Variants in FAM174A observed in about 807,000 individuals in gnomAD.
FAM174A encodes membrane protein FAM174A.
Under a neutral mutation model 14.3 loss-of-function variants are expected in FAM174A, and 14 were observed. That is an observed-to-expected ratio of 0.98 (90% CI 0.65 to 1.53). The LOEUF is 1.53. Ranked by LOEUF, FAM174A falls within the 40% of genes most tolerant of loss-of-function variation. The pLI is 0.00. For missense variants in FAM174A, 241 were observed against 249.6 expected (o/e 0.97, Z 0.23); for synonymous variants, 108 against 111.4 (o/e 0.97, Z 0.19).
intron 1 of FAM174A, among the ~76,000 whole-genome samples, chr5:100,544,856 G>A (rs1282470147): frequency 6.6e-6 from 1 of 152,162 alleles, no homozygotes; most frequent in Admixed American, 6.5e-5. Context: ...GATGCTTCTG[G>A]TTAGTTATTG....
chr5:100,582,205 G>A (rs976349811), intron 2 of FAM174A, among the ~76,000 whole-genome samples: 1 of 151,778 alleles, frequency 6.6e-6, no homozygotes, highest in Middle Eastern at 3.2e-3. Flanking sequence ...GACAAGGGCT[G>A]TACAAAAGAA....
intron 1 of FAM174A, among the ~76,000 whole-genome samples, chr5:100,546,267 A>G (rs1746162413): frequency 6.6e-6 from 1 of 152,148 alleles, no homozygotes; most frequent in South Asian, 2.1e-4. Context: ...GACACCAGAG[A>G]ATGCACAGGA....
chr5:100,584,677 CT>C (rs2112408966), intron 2 of FAM174A, among the ~76,000 whole-genome samples: 1 of 152,238 alleles, frequency 6.6e-6, no homozygotes, highest in African/African-American at 2.4e-5. Flanking sequence ...CACACAAAAG[CT>C]TAATTTTCAA....
At chr5:100,573,064 C>G (rs1179548377) in intron 2 of FAM174A, among the ~76,000 whole-genome samples, 1 of 151,732 alleles carries the variant, frequency 6.6e-6, no homozygotes, top group Non-Finnish European at 1.5e-5. Flanking sequence ...TGAGAAGTGT[C>G]TGTTCATGTC....
intron 2 of FAM174A, among the ~76,000 whole-genome samples, chr5:100,577,115 A>C (rs889907192): frequency 2.0e-5 from 3 of 152,162 alleles, no homozygotes; most frequent in Non-Finnish European, 4.4e-5. Flanking sequence ...ATTATTTTTA[A>C]ATTACCCTGA....
At chr5:100,543,446 C>G (rs568140260) in intron 1 of FAM174A, among the ~76,000 whole-genome samples, 3 of 152,322 alleles carry the variant, frequency 2.0e-5, no homozygotes, top group South Asian at 2.1e-4. Flanking sequence ...GCTAAATAAT[C>G]ACATGTTGTT....
rs79664287 is a variant in FAM174A, at chr5:100,552,491, G to T, written c.435-9563G>T. On this transcript the variant is annotated intron_variant, in intron 1 of 2. Coordinates refer to ENST00000312637, the MANE Select transcript of FAM174A (RefSeq NM_198507.3). ...CTTAGTTAAAAAAAAAAGAAGAAGA[G>T]AAAAAATCAAATCAGGTAGATACAG... 8.2e-3 allele frequency among the ~76,000 whole-genome samples: 1,247 copies of T among 151,762 alleles called. 14 individuals carry two copies. The highest frequency in any genetic ancestry group is 0.029 in the African/African-American group (1,187 of 41,420).
At chr5:100,553,558 A>G (rs2112375598) in intron 1 of FAM174A, among the ~76,000 whole-genome samples, 2 of 152,184 alleles carry the variant, frequency 1.3e-5, no homozygotes, top group South Asian at 2.1e-4. Flanking sequence ...AATATATAGC[A>G]TTTTTTACTC....
intron 1 of FAM174A, 102 bp downstream of exon 1, chr5:100,536,066 A>C: frequency 9.8e-7 from 1 of 1,019,860 alleles, no homozygotes; most frequent in Non-Finnish European, 1.4e-6. Context: ...CTTCCCCAGC[A>C]TCAGGGACTC....
intron 1 of FAM174A, among the ~76,000 whole-genome samples, chr5:100,556,117 G>A (rs1746374253): frequency 6.6e-6 from 1 of 152,136 alleles, no homozygotes; most frequent in African/African-American, 2.4e-5. Context: ...ATTAATTTTT[G>A]TATAAGGTGT....
intron 2 of FAM174A, among the ~76,000 whole-genome samples, chr5:100,579,410 T>G (rs1746963027): frequency 6.6e-6 from 1 of 152,092 alleles, no homozygotes; most frequent in Admixed American, 6.6e-5. Context: ...AGTTAAATTG[T>G]GAAATTATGT....
At position 100,586,275 on chromosome 5, in the gene FAM174A, T is replaced by TG. The variant is rs3086314; in HGVS notation, c.*98dup. ...GAATAAGAAGCCACTATATCAATGT[T>TG]GGGGGGGTATTTAAGTTACATATAT... On this transcript the variant is annotated 3_prime_UTR_variant, in exon 3 of 3. Transcript: ENST00000312637. The TG allele has an allele frequency of 7.7e-5, 64 of 832,504 alleles. No individual in the cohort carries two copies. Among genetic ancestry groups the TG allele is most frequent in the East Asian group, 6.9e-4 (26 of 37,926 alleles). 51.6% of individuals were successfully genotyped at this position (832,504 alleles called of 1,614,324 possible).
chr5:100,544,509 AAAG>A (rs1452647841), intron 1 of FAM174A, among the ~76,000 whole-genome samples: 1 of 152,172 alleles, frequency 6.6e-6, no homozygotes, highest in African/African-American at 2.4e-5. Context: ...AAAGAATAAA[AAAG>A]AAATAATGTA....
Position 100,586,649 on chromosome 5 carries a change from A to C in FAM174A, c.*465A>C, listed in dbSNP as rs554500970. The C allele has an allele frequency of 1.3e-5, 2 of 152,190 alleles. No individual in the cohort carries two copies. Among genetic ancestry groups the C allele is most frequent in the Admixed American group, 6.5e-5 (1 of 15,274 alleles). 9.4% of individuals were successfully genotyped at this position (152,190 alleles called of 1,614,324 possible). A position where few individuals can be genotyped will look rare whatever the true frequency, so the allele number is the denominator to read the frequency against. On this transcript the variant is annotated 3_prime_UTR_variant, in exon 3 of 3. Transcript: ENST00000312637. ...CCATTTTTGTGGGGAAAAGAAGCCA[A>C]ATTTATTACTTTGTGTTGGGGTTTT...
intron 1 of FAM174A, among the ~76,000 whole-genome samples, chr5:100,540,096 G>C (rs1746019120): frequency 1.3e-5 from 2 of 152,268 alleles, no homozygotes; most frequent in African/African-American, 4.8e-5. Flanking sequence ...AGTGGAGCAA[G>C]TCACTAATGA....
At chr5:100,566,031 A>C (rs1308541860) in intron 2 of FAM174A, among the ~76,000 whole-genome samples, 1 of 150,690 alleles carries the variant, frequency 6.6e-6, no homozygotes, top group African/African-American at 2.4e-5. Context: ...ATTACCTCCC[A>C]CCAGGTTCCT....
At chr5:100,563,991 T>C (rs545550953) in intron 2 of FAM174A, among the ~76,000 whole-genome samples, 1 of 152,016 alleles carries the variant, frequency 6.6e-6, no homozygotes, top group South Asian at 2.1e-4. Context: ...GGCTTGGTGC[T>C]GTCCTTGTGA....
At chr5:100,580,306 G>A (rs1298721316) in intron 2 of FAM174A, among the ~76,000 whole-genome samples, 1 of 152,194 alleles carries the variant, frequency 6.6e-6, no homozygotes, top group Admixed American at 6.5e-5. Flanking sequence ...ACCGTTCATA[G>A]GAAAGGTCAT....
At chr5:100,552,388 A>G (rs1000099793) in intron 1 of FAM174A, among the ~76,000 whole-genome samples, 4 of 152,050 alleles carry the variant, frequency 2.6e-5, no homozygotes, top group Non-Finnish European at 5.9e-5. Flanking sequence ...ATGTGTGTGT[A>G]TAGTAAATAA....
Sources: allele counts gnomAD v4.1 joint callset (sites outside exome capture counted in the v4.1 genomes callset), GRCh38; gene constraint gnomAD v4.1.1; transcripts MANE v1.5; gene names NCBI Gene and HGNC (gene_info 2026-07-23, HGNC 2026-07-21).